PRPH2: variants seen among roughly 807,000 people sequenced by gnomAD.
PRPH2 encodes the protein peripherin 2, also known as peripherin-2.
PRPH2 carries 17 observed loss-of-function variants against 31.3 expected under a neutral mutation model. The ratio of observed to expected loss-of-function variants is 0.54; its 90% CI spans 0.37 to 0.81. PRPH2 has a LOEUF of 0.81. Ranked by LOEUF, PRPH2 falls within the 40% of genes least tolerant of loss-of-function variation. The probability of loss-of-function intolerance (pLI) is 0.00; values close to 1 mark genes in which losing one functional copy is unlikely to be tolerated. For synonymous variants in PRPH2, 165 were observed against 184.4 expected, an observed-to-expected ratio of 0.89 and a Z score of 0.85; for missense variants, 430 against 439.7, an observed-to-expected ratio of 0.98 and a Z score of 0.20.
At chr6:42,716,479 C>T (rs1761782976) in intron 1 of PRPH2, among the ~76,000 whole-genome samples, 1 of 151,384 alleles carries the variant, frequency 6.6e-6, no homozygotes, top group African/African-American at 2.4e-5. Context: ...TGCAGTGGCA[C>T]AATCTTGGCT....
At chr6:42,709,801 T>C (rs1308809105) in intron 1 of PRPH2, among the ~76,000 whole-genome samples, 3 of 152,184 alleles carry the variant, frequency 2.0e-5, no homozygotes, top group Non-Finnish European at 4.4e-5. Flanking sequence ...TTTCCAGGCC[T>C]GGAAGTTAAA....
rs568381208 is a variant in PRPH2, at chr6:42,703,777, TG to T, written c.828+587del. Among the ~76,000 whole-genome samples, 15 of 152,188 alleles carry T rather than the reference TG, an allele frequency of 9.9e-5. 1 individual carries two copies. The East Asian group carries it at 2.9e-3, about 29-fold the overall frequency. ...GTAAATCAACTAGATGACACCAAAT[TG>T]TTTACCTTTTATAAATCTCACCTCA... On this transcript the variant is annotated intron_variant, in intron 2 of 2. Transcript: ENST00000230381.
intron 1 of PRPH2, among the ~76,000 whole-genome samples, chr6:42,709,757 G>T (rs1341097506): frequency 6.6e-6 from 1 of 152,116 alleles, no homozygotes; most frequent in African/African-American, 2.4e-5. Flanking sequence ...CCCCTTACAG[G>T]TCACTGGTGG....
chr6:42,704,192 A>G (rs1452423250), intron 2 of PRPH2, among the ~76,000 whole-genome samples, 173 bp downstream of exon 2: 1 of 145,974 alleles, frequency 6.9e-6, no homozygotes, highest in African/African-American at 2.6e-5. Context: ...AATAAATACA[A>G]AAGGTGGAGG....
At chr6:42,707,199 T>C (rs1200554718) in intron 1 of PRPH2, among the ~76,000 whole-genome samples, 1 of 152,134 alleles carries the variant, frequency 6.6e-6, no homozygotes, top group Non-Finnish European at 1.5e-5. Flanking sequence ...TGCGCTCGGC[T>C]GAGATATTTT....
intron 1 of PRPH2, among the ~76,000 whole-genome samples, chr6:42,717,719 CTCATTCATTCCT>C (rs996115033): frequency 2.0e-5 from 3 of 152,054 alleles, no homozygotes; most frequent in Non-Finnish European, 2.9e-5. Flanking sequence ...TCCACAGTCT[CTCATTCATTCCT>C]TCTTTCATTC....
At chr6:42,711,828 G>A (rs1469337451) in intron 1 of PRPH2, 2 of 985,276 alleles carry the variant, frequency 2.0e-6, no homozygotes, top group East Asian at 1.1e-4. Flanking sequence ...CCCTCAGACT[G>A]GGGACCCCAG....
Position 42,704,395 on chromosome 6 carries a change from A to C in PRPH2, c.798T>G (p.Gly266=), listed in dbSNP as rs749201548. Residue 266 remains glycine, a synonymous_variant, in exon 2 of 3, where the codon GGT becomes GGG. Transcript: ENST00000230381. ...AGAGCCAAATGAGGAGCGTGACGAC[A>C]CCCATGGAGTTCATGAGGCTGCTGT... ...SYYSSLMNSM[G]VVTLLIWLFE... The C allele has an allele frequency of 8.7e-6, 14 of 1,609,688 alleles. No homozygotes were observed. The Admixed American group carries it at 2.0e-4, about 23-fold the overall frequency.
chr6:42,711,911 A>G (rs1321302166), intron 1 of PRPH2: 2 of 985,246 alleles, frequency 2.0e-6, no homozygotes, highest in Admixed American at 1.2e-4. Flanking sequence ...TCTCACCCCA[A>G]GACACTGCAG....
chr6:42,698,892 TCCCC>T (rs1357754297), intron 2 of PRPH2, among the ~76,000 whole-genome samples: 1 of 152,066 alleles, frequency 6.6e-6, no homozygotes, highest in African/African-American at 2.4e-5. Context: ...TCATCCTCCC[TCCCC>T]ATCCCCTCGG....
chr6:42,703,859 C>T (rs537888950), intron 2 of PRPH2, among the ~76,000 whole-genome samples: 2 of 152,186 alleles, frequency 1.3e-5, no homozygotes, highest in African/African-American at 2.4e-5. Context: ...ACCCAGACTT[C>T]GGGAGGCCGA....
At position 42,722,534 on chromosome 6, in the gene PRPH2, A is replaced by G; in HGVS notation, c.-200T>C. The stretch of plus-strand genomic sequence containing the variant: ...CAGTAGTGGTGGCAGGGGTCTCGGA[A>G]TCACAGCTTGAGCAGGGGATAGTCC... On this transcript the variant is annotated 5_prime_UTR_variant, in exon 1 of 3. Coordinates refer to ENST00000230381, the MANE Select transcript of PRPH2 (RefSeq NM_000322.5). This position sits in a 1 kb window ranked among gnomAD's most constrained non-coding sequence, Gnocchi z 4.4. 4 of 1,452,676 alleles carry G rather than the reference A, an allele frequency of 2.8e-6. No individual in the cohort carries two copies. Among genetic ancestry groups the G allele is most frequent in the Non-Finnish European group, 3.6e-6 (4 of 1,107,168 alleles). The allele number at this position is 1,452,676 out of a possible 1,614,324, so 90.0% of individuals were successfully genotyped here.
At chr6:42,713,584 C>T (rs1292052478) in intron 1 of PRPH2, among the ~76,000 whole-genome samples, 3 of 152,098 alleles carry the variant, frequency 2.0e-5, no homozygotes, top group Admixed American at 2.0e-4. Context: ...CATCTCTGCC[C>T]ACCCCTTTCC....
At chr6:42,704,039 G>A (rs771471589) in intron 2 of PRPH2, among the ~76,000 whole-genome samples, 15 of 151,996 alleles carry the variant, frequency 9.9e-5, no homozygotes, top group Admixed American at 3.9e-4. Flanking sequence ...GAGGGAGGTT[G>A]CAGTGAGCTG....
chr6:42,708,334 C>T (rs1015237333), intron 1 of PRPH2, among the ~76,000 whole-genome samples: 1 of 152,262 alleles, frequency 6.6e-6, no homozygotes, highest in African/African-American at 2.4e-5. Flanking sequence ...CCACTCAAAG[C>T]CCCACTCCAG....
chr6:42,717,344 A>T (rs1463285004), intron 1 of PRPH2, among the ~76,000 whole-genome samples: 2 of 149,604 alleles, frequency 1.3e-5, no homozygotes, highest in African/African-American at 2.5e-5. Flanking sequence ...CAATTGAACC[A>T]GGGGGGCGAG....
intron 1 of PRPH2, among the ~76,000 whole-genome samples, chr6:42,712,378 A>G (rs530476278): frequency 6.6e-5 from 10 of 152,238 alleles, no homozygotes; most frequent in Admixed American, 3.3e-4. Flanking sequence ...TCTGTTGACT[A>G]TGACTGGTCT....
chr6:42,708,799 CTG>C (rs1800219390), intron 1 of PRPH2, among the ~76,000 whole-genome samples: 1 of 152,228 alleles, frequency 6.6e-6, no homozygotes, highest in Non-Finnish European at 1.5e-5. Context: ...AGCTTAAACT[CTG>C]TGGACCTGCG....
intron 1 of PRPH2, among the ~76,000 whole-genome samples, chr6:42,715,796 CCCTGAGAAA>C (rs1761765881): frequency 6.6e-6 from 1 of 152,062 alleles, no homozygotes; most frequent in Admixed American, 6.6e-5. Flanking sequence ...TTAAAGATTC[CCCTGAGAAA>C]TCTCCAAAAC....
Sources: gnomAD v4.1 joint callset for allele counts (sites outside exome capture counted in the v4.1 genomes callset) on GRCh38, gnomAD v4.1.1 for gene constraint, Gnocchi (gnomAD v3.1) non-coding constraint, MANE v1.5 for transcripts, NCBI Gene and HGNC (gene_info 2026-07-23, HGNC 2026-07-21) for gene names.